Variants in IFT74 observed in about 807,000 individuals in gnomAD.
The protein encoded by IFT74 is intraflagellar transport protein 74 homolog.
A neutral mutation model predicts 96.7 loss-of-function variants in IFT74; 92 were observed. That is an observed-to-expected ratio of 0.95 (90% CI 0.80 to 1.13). IFT74 has a LOEUF of 1.13. IFT74 is among the 50% of genes most tolerant of loss of function. The pLI is 0.00. For missense variants in IFT74, 811 were observed against 698.2 expected (o/e 1.16, Z -1.82); for synonymous variants, 223 against 213.2 (o/e 1.05, Z -0.40).
chr9:27,031,739 A>AATAAAATAAG (rs1430583913), intron 13 of IFT74, among the ~76,000 whole-genome samples: 4 of 134,864 alleles, frequency 3.0e-5, no homozygotes, highest in African/African-American at 1.1e-4. Flanking sequence ...TAATAAATAA[A>AATAAAATAAG]ATAAAATAAA....
chr9:27,017,353 C>CTGG (rs1388404082), intron 11 of IFT74, among the ~76,000 whole-genome samples: 1 of 152,082 alleles, frequency 6.6e-6, no homozygotes, highest in Non-Finnish European at 1.5e-5. Context: ...TCCCGAGTAG[C>CTGG]TGGGACTGCA....
chr9:27,056,281 T>C (rs1166809661), intron 17 of IFT74, 53 bp from the exon 18 acceptor site: 2 of 1,321,078 alleles, frequency 1.5e-6, no homozygotes, highest in Admixed American at 2.3e-5. Flanking sequence ...ATGATTTATA[T>C]TGGCTTACTA....
chr9:27,011,454 T>C (rs767843348), intron 9 of IFT74, among the ~76,000 whole-genome samples: 1 of 148,482 alleles, frequency 6.7e-6, no homozygotes, highest in Non-Finnish European at 1.5e-5. Context: ...TGTGCATGTG[T>C]TATATGTGTG....
chr9:27,061,148 T>A (rs1304324258), intron 19 of IFT74, among the ~76,000 whole-genome samples: 1 of 118,030 alleles, frequency 8.5e-6, no homozygotes, highest in Non-Finnish European at 1.6e-5. Flanking sequence ...TTAAGAGGTG[T>A]GTGTGTGTGT....
At chr9:27,061,520 C>A (rs1820420513) in intron 19 of IFT74, among the ~76,000 whole-genome samples, 1 of 151,894 alleles carries the variant, frequency 6.6e-6, no homozygotes, top group African/African-American at 2.4e-5. Flanking sequence ...AGGCTCAATC[C>A]CACCTCGGCC....
intron 1 of IFT74, among the ~76,000 whole-genome samples, chr9:26,957,233 G>A (rs1194817706): frequency 6.6e-6 from 1 of 152,050 alleles, no homozygotes; most frequent in African/African-American, 2.4e-5. Context: ...ATAATATAAT[G>A]GTAAGCTTTT....
upstream of IFT74, among the ~76,000 whole-genome samples, chr9:26,953,705 C>T (rs1479379161): frequency 6.6e-6 from 1 of 151,516 alleles, no homozygotes; most frequent in East Asian, 1.9e-4. Context: ...GGGGGGGGGT[C>T]TCACTATGTT....
At chr9:26,960,525 T>G (rs17694437) in intron 1 of IFT74, among the ~76,000 whole-genome samples, 5,844 of 152,316 alleles carry the variant, frequency 0.038, 167 homozygotes, top group Non-Finnish European at 0.057. Context: ...AGTATCTTGG[T>G]CATAACCTAC....
intron 12 of IFT74, among the ~76,000 whole-genome samples, chr9:27,025,138 A>G (rs992928178): frequency 6.6e-6 from 1 of 152,092 alleles, no homozygotes; most frequent in Non-Finnish European, 1.5e-5. Context: ...CTAGAGATGT[A>G]GACATCCAAA....
chr9:26,967,912 T>C (rs1251168499), intron 2 of IFT74, among the ~76,000 whole-genome samples: 1 of 152,186 alleles, frequency 6.6e-6, no homozygotes, highest in Non-Finnish European at 1.5e-5. Context: ...TTGAACTATC[T>C]TTAGTTACCT....
intron 12 of IFT74, among the ~76,000 whole-genome samples, chr9:27,027,661 T>G (rs1016796558): frequency 6.6e-5 from 10 of 152,216 alleles, no homozygotes; most frequent in African/African-American, 2.4e-4. Context: ...CTAGATTGTT[T>G]TTGATTACTG....
intron 8 of IFT74, chr9:26,995,824 C>G (rs768213008): frequency 3.7e-6 from 6 of 1,602,934 alleles, no homozygotes; most frequent in Non-Finnish European, 5.1e-6. Context: ...CAAGAAAAGC[C>G]CAACTTTTTC....
chr9:26,988,974 G>A (rs1486584107), intron 7 of IFT74, among the ~76,000 whole-genome samples: 1 of 152,072 alleles, frequency 6.6e-6, no homozygotes, highest in Non-Finnish European at 1.5e-5. Context: ...GGTGTCACGT[G>A]CAACATTAGT....
At chr9:27,001,756 A>T (rs1828502775) in intron 8 of IFT74, among the ~76,000 whole-genome samples, 1 of 151,954 alleles carries the variant, frequency 6.6e-6, no homozygotes, top group African/African-American at 2.4e-5. Flanking sequence ...ATATTTTCTC[A>T]TTCCGTGGGT....
At chr9:26,999,678 A>T in intron 8 of IFT74, 1 of 1,604,882 alleles carries the variant, frequency 6.2e-7, no homozygotes, top group Non-Finnish European at 8.5e-7. Flanking sequence ...GAGGATTGTG[A>T]TGCCTGTGAC....
rs1820485812 is a variant in IFT74 at position 27,062,773 on chromosome 9, C to T, written c.*37C>T. Reference sequence around the variant, plus strand: ...CTGAAAGTCTCTAAGGAAGTATCCTCTTGCTGCTAAACTTGGTACAAGTTG... The same window carrying T: ...CTGAAAGTCTCTAAGGAAGTATCCTTTTGCTGCTAAACTTGGTACAAGTTG... On this transcript the variant is annotated 3_prime_UTR_variant, in exon 20 of 20. Coordinates refer to ENST00000380062, the MANE Select transcript of IFT74 (RefSeq NM_025103.4). 1 of 1,069,910 alleles carries T rather than the reference C, an allele frequency of 9.3e-7. No homozygotes were observed. Among genetic ancestry groups the T allele is most frequent in the South Asian group, 1.5e-5 (1 of 66,952 alleles). The allele number at this position is 1,069,910 out of a possible 1,614,324, so 66.3% of individuals were successfully genotyped here. A position where few individuals can be genotyped will look rare whatever the true frequency, so the allele number is the denominator to read the frequency against.
chr9:27,062,633 G>A lies in IFT74; in HGVS notation c.1700G>A (p.Ser567Asn), dbSNP rs1482975341. The change falls in exon 20 of 20, where the codon AGT (serine) becomes AAT (asparagine). Residue 567 changes from serine to asparagine, a missense_variant. By Grantham distance (46) the Ser-to-Asn change is conservative (BLOSUM62 1). Coordinates refer to ENST00000380062, the MANE Select transcript of IFT74 (RefSeq NM_025103.4). The stretch of plus-strand genomic sequence containing the variant: ...ATGTAATTAGTCATAGCAACCAAGA[G>A]TCAAGAGAGTGATTACCAGCCAATT... ...FAMKEFIATK[S>N]QESDYQPIKK... The A allele has an allele frequency of 1.3e-6, 2 of 1,599,772 alleles. No homozygotes were observed. Among genetic ancestry groups the A allele is most frequent in the Non-Finnish European group, 1.7e-6 (2 of 1,169,388 alleles).
chr9:27,010,476 C>CT (rs1376199224), intron 9 of IFT74, among the ~76,000 whole-genome samples: 54 of 146,172 alleles, frequency 3.7e-4, no homozygotes, highest in African/African-American at 1.2e-3. Context: ...CTACTACCCC[C>CT]TTTTTTTTGT....
intron 18 of IFT74, among the ~76,000 whole-genome samples, chr9:27,057,675 G>A (rs572562664): frequency 6.6e-6 from 1 of 151,962 alleles, no homozygotes; most frequent in Admixed American, 6.6e-5. Flanking sequence ...GGCTAACAAC[G>A]GTGAAACCCC....
Sources: allele counts gnomAD v4.1 joint callset (sites outside exome capture counted in the v4.1 genomes callset), GRCh38; gene constraint gnomAD v4.1.1; transcripts MANE v1.5; gene names NCBI Gene and HGNC (gene_info 2026-07-23, HGNC 2026-07-21).